SUGCT: variants seen among roughly 807,000 people sequenced by gnomAD.
SUGCT encodes succinyl-CoA:glutarate CoA-transferase.
A neutral mutation model predicts 55.0 loss-of-function variants in SUGCT; 41 were observed. That is an observed-to-expected ratio of 0.74 (90% CI 0.58 to 0.97). The LOEUF is 0.97. Ranked by LOEUF, SUGCT falls within the 50% of genes least tolerant of loss-of-function variation. The probability of loss-of-function intolerance (pLI) is 0.00; values close to 1 mark genes in which losing one functional copy is unlikely to be tolerated. For missense variants in SUGCT, 568 were observed against 547.8 expected, an observed-to-expected ratio of 1.04 and a Z score of -0.37; for synonymous variants, 187 against 200.4, an observed-to-expected ratio of 0.93 and a Z score of 0.56.
In SUGCT at chr7:40,253,657, G is replaced by C. The variant is rs191827573; in HGVS notation, c.576+15931G>C. ...TGCTCACTGCAACCTCCGCCTCCCGGTGGCTGGACAGAGCCACCACGCACG... is the reference window on the plus strand; with the variant it reads ...TGCTCACTGCAACCTCCGCCTCCCGCTGGCTGGACAGAGCCACCACGCACG... On this transcript the variant is annotated intron_variant, in intron 7 of 13. Transcript: ENST00000335693. 7.9e-5 allele frequency among the ~76,000 whole-genome samples: 12 copies of C among 152,256 alleles called. No individual in the cohort carries two copies. In the East Asian group the frequency reaches 2.1e-3, roughly 27 times the overall value.
chr7:40,338,038 G>A (rs1584718171), intron 9 of SUGCT, among the ~76,000 whole-genome samples: 1 of 152,138 alleles, frequency 6.6e-6, no homozygotes, highest in African/African-American at 2.4e-5. Context: ...GAAATTCTGG[G>A]TTGAAAATTC....
At chr7:40,289,835 A>C (rs1263071453) in intron 8 of SUGCT, among the ~76,000 whole-genome samples, 3 of 152,066 alleles carry the variant, frequency 2.0e-5, no homozygotes. Flanking sequence ...ATGTACAAAA[A>C]TCACAAGCAT....
chr7:40,957,506 C>T, the SUGCT span, among the ~76,000 whole-genome samples: 1 of 120,612 alleles, frequency 8.3e-6, no homozygotes, highest in Non-Finnish European at 1.7e-5. Flanking sequence ...CTTCCTCCAT[C>T]CCTTTATTTT....
At chr7:40,836,430 C>T (rs1024048226) in intron 13 of SUGCT, among the ~76,000 whole-genome samples, 3 of 152,200 alleles carry the variant, frequency 2.0e-5, no homozygotes, top group Non-Finnish European at 4.4e-5. Context: ...ATACAGTTGA[C>T]TGACCATATG....
At chr7:40,778,804 T>C (rs1441725991) in intron 13 of SUGCT, among the ~76,000 whole-genome samples, 1 of 152,208 alleles carries the variant, frequency 6.6e-6, no homozygotes, top group Admixed American at 6.5e-5. Flanking sequence ...CATATTTCTG[T>C]GGTAGGTGAG....
intron 12 of SUGCT, among the ~76,000 whole-genome samples, chr7:40,618,639 T>G (rs1261507891): frequency 1.3e-5 from 2 of 152,198 alleles, no homozygotes; most frequent in Admixed American, 6.5e-5. Flanking sequence ...AGAAGTAATT[T>G]TTGGAGTTCA....
chr7:40,485,800 C>A (rs1791309679), intron 11 of SUGCT, among the ~76,000 whole-genome samples: 1 of 152,072 alleles, frequency 6.6e-6, no homozygotes, highest in Non-Finnish European at 1.5e-5. Context: ...TTTTCTGCAT[C>A]AAGTGAAATG....
chr7:40,151,101 G>A (rs754341184), intron 1 of SUGCT, among the ~76,000 whole-genome samples: 7 of 152,078 alleles, frequency 4.6e-5, no homozygotes, highest in South Asian at 2.1e-4. Flanking sequence ...TTAGCTAGGC[G>A]TGGTGGCGTG....
At chr7:40,391,947 T>G (rs895468056) in intron 9 of SUGCT, among the ~76,000 whole-genome samples, 4 of 152,146 alleles carry the variant, frequency 2.6e-5, no homozygotes, top group Admixed American at 2.0e-4. Context: ...TGGAATACTG[T>G]GCAGGCATAA....
intron 8 of SUGCT, among the ~76,000 whole-genome samples, chr7:40,289,477 A>G (rs1314179613): frequency 1.3e-5 from 2 of 152,206 alleles, no homozygotes; most frequent in Non-Finnish European, 2.9e-5. Flanking sequence ...ATATCTCTCA[A>G]CAAATTAGGT....
intron 7 of SUGCT, among the ~76,000 whole-genome samples, chr7:40,243,881 A>T (rs1018475717): frequency 6.6e-6 from 1 of 152,194 alleles, no homozygotes; most frequent in African/African-American, 2.4e-5. Flanking sequence ...TTGTAACTTG[A>T]TGATGTATAG....
chr7:40,913,624 C>T, the SUGCT span, among the ~76,000 whole-genome samples: 1 of 152,166 alleles, frequency 6.6e-6, no homozygotes, highest in African/African-American at 2.4e-5. Context: ...ACAACACAAG[C>T]ATTTGTTCTC....
chr7:40,547,629 T>C (rs1049776230), intron 12 of SUGCT, among the ~76,000 whole-genome samples: 2 of 152,166 alleles, frequency 1.3e-5, no homozygotes, highest in Non-Finnish European at 2.9e-5. Flanking sequence ...ATGCATACTA[T>C]AAAAATGCAG....
chr7:40,509,156 A>G (rs1792785633), intron 12 of SUGCT, among the ~76,000 whole-genome samples: 1 of 152,220 alleles, frequency 6.6e-6, no homozygotes, highest in South Asian at 2.1e-4. Context: ...TGGCATAAGT[A>G]GATTGCCAGA....
intron 11 of SUGCT, among the ~76,000 whole-genome samples, chr7:40,495,295 A>G (rs1188389435): frequency 6.6e-6 from 1 of 151,380 alleles, no homozygotes; most frequent in Non-Finnish European, 1.5e-5. Flanking sequence ...TGCAGATTTG[A>G]AGCTAATTCT....
the SUGCT span, among the ~76,000 whole-genome samples, chr7:41,023,884 G>A: frequency 6.6e-6 from 1 of 152,010 alleles, no homozygotes; most frequent in Admixed American, 6.6e-5. Context: ...TTATTATATG[G>A]CATTTTATAA....
chr7:40,523,911 T>C (rs1265766336), intron 12 of SUGCT, among the ~76,000 whole-genome samples: 1 of 152,104 alleles, frequency 6.6e-6, no homozygotes, highest in Admixed American at 6.6e-5. Context: ...TTAAAACAAA[T>C]GTTCTTGCTG....
chr7:41,014,664 C>T, the SUGCT span, among the ~76,000 whole-genome samples: 3 of 152,114 alleles, frequency 2.0e-5, no homozygotes, highest in African/African-American at 7.2e-5. Context: ...TGAGCCAAGT[C>T]GTCAGTCTCA....
the SUGCT span, among the ~76,000 whole-genome samples, chr7:41,031,920 A>G: frequency 6.6e-6 from 1 of 151,982 alleles, no homozygotes; most frequent in South Asian, 2.1e-4. Context: ...ATGCAAGCTC[A>G]TGAGTATAGG....
Sources: allele counts gnomAD v4.1 joint callset (sites outside exome capture counted in the v4.1 genomes callset), GRCh38; gene constraint gnomAD v4.1.1; transcripts MANE v1.5; gene names NCBI Gene and HGNC (gene_info 2026-07-23, HGNC 2026-07-21).